The following PPP2R5E variants were observed in gnomAD, a reference collection of about 807,000 sequenced individuals.
PPP2R5E encodes serine/threonine-protein phosphatase 2A 56 kDa regulatory subunit epsilon isoform.
A neutral mutation model predicts 65.3 loss-of-function variants in PPP2R5E; 4 were observed. The observed-to-expected ratio is 0.06, with a 90% CI of 0.03 to 0.14. The LOEUF (loss-of-function observed/expected upper bound fraction) is 0.14, where lower values mean the gene tolerates loss of function less well. Among genes scored for constraint, PPP2R5E ranks in the 10% least tolerant of loss-of-function variants. The pLI is 1.00. For synonymous variants in PPP2R5E, 183 were observed against 187.4 expected, an observed-to-expected ratio of 0.98 and a Z score of 0.19; for missense variants, 274 against 556.1, an observed-to-expected ratio of 0.49 and a Z score of 5.10.
chr14:63,424,684 G>C (rs936306633), intron 3 of PPP2R5E, among the ~76,000 whole-genome samples: 1 of 151,030 alleles, frequency 6.6e-6, no homozygotes, highest in Non-Finnish European at 1.5e-5. Context: ...CCGGGAGGCG[G>C]AGCTTGCAGT....
chr14:63,448,835 T>C (rs1019352541), intron 3 of PPP2R5E, among the ~76,000 whole-genome samples: 1 of 138,624 alleles, frequency 7.2e-6, no homozygotes, highest in African/African-American at 2.8e-5. Flanking sequence ...TGAAGTGCAA[T>C]AAAACGAGGT....
chr14:63,466,523 C>T (rs1335358344), intron 2 of PPP2R5E, among the ~76,000 whole-genome samples: 2 of 152,114 alleles, frequency 1.3e-5, no homozygotes, highest in African/African-American at 2.4e-5. Flanking sequence ...TACACAGTCC[C>T]CTAATTGTGA....
intron 3 of PPP2R5E, chr14:63,452,540 G>A (rs1888902383): frequency 6.6e-6 from 1 of 152,226 alleles, no homozygotes; most frequent in Non-Finnish European, 1.5e-5. Context: ...ACACCTGGTT[G>A]AGAAGCACTG....
chr14:63,379,989 C>T (rs931739555), intron 13 of PPP2R5E, among the ~76,000 whole-genome samples: 8 of 151,678 alleles, frequency 5.3e-5, no homozygotes, highest in Non-Finnish European at 1.2e-4. Context: ...CGCATGCCAC[C>T]GTGCCTGGCT....
At chr14:63,539,453 T>G in intron 2 of PPP2R5E, 76 bp downstream of exon 2, 3 of 1,481,908 alleles carry the variant, frequency 2.0e-6, no homozygotes, top group Non-Finnish European at 2.7e-6. Flanking sequence ...CATATAAAAC[T>G]CTACAAAAAG....
intron 2 of PPP2R5E, among the ~76,000 whole-genome samples, chr14:63,535,492 A>G (rs1308175548): frequency 2.0e-5 from 3 of 152,196 alleles, no homozygotes; most frequent in Non-Finnish European, 4.4e-5. Flanking sequence ...AAGTGAACAG[A>G]CTTTAAAACG....
At chr14:63,376,242 G>A (rs1382993285) in intron 13 of PPP2R5E, 134 bp from the exon 14 acceptor site, 7 of 621,368 alleles carry the variant, frequency 1.1e-5, no homozygotes, top group African/African-American at 7.6e-5. Flanking sequence ...AAATTACTAA[G>A]AAACAAAAAT....
At chr14:63,509,466 G>A (rs1892364228) in intron 2 of PPP2R5E, among the ~76,000 whole-genome samples, 2 of 151,930 alleles carry the variant, frequency 1.3e-5, no homozygotes, top group East Asian at 3.9e-4. Flanking sequence ...TAGAGAAGGG[G>A]TTTTGCCATG....
chr14:63,402,745 TA>T (rs983865220), intron 5 of PPP2R5E, among the ~76,000 whole-genome samples: 10 of 151,948 alleles, frequency 6.6e-5, no homozygotes, highest in Admixed American at 3.3e-4. Flanking sequence ...AAGAAGATTT[TA>T]AAAACCAGAA....
intron 2 of PPP2R5E, among the ~76,000 whole-genome samples, chr14:63,526,652 A>G (rs1157672189): frequency 6.6e-6 from 1 of 152,048 alleles, no homozygotes; most frequent in African/African-American, 2.4e-5. Context: ...GACCTCCCGG[A>G]ATCAGGTGAT....
chr14:63,512,466 G>A (rs945287799), intron 2 of PPP2R5E, among the ~76,000 whole-genome samples: 5 of 152,174 alleles, frequency 3.3e-5, no homozygotes, highest in Admixed American at 3.3e-4. Flanking sequence ...GGCTTAATGT[G>A]ATGATCACCA....
chr14:63,406,875 G>C (rs1886121301), intron 5 of PPP2R5E, among the ~76,000 whole-genome samples: 1 of 152,164 alleles, frequency 6.6e-6, no homozygotes, highest in Non-Finnish European at 1.5e-5. Flanking sequence ...ATGATTTTTA[G>C]AATAAGAGTT....
At chr14:63,403,714 A>T (rs1258354292) in intron 5 of PPP2R5E, among the ~76,000 whole-genome samples, 4 of 152,044 alleles carry the variant, frequency 2.6e-5, no homozygotes, top group Admixed American at 2.6e-4. Context: ...TTACTCTCAG[A>T]GAATTAAAGC....
At chr14:63,393,740 A>G in intron 8 of PPP2R5E, 80 bp downstream of exon 8, 1 of 946,854 alleles carries the variant, frequency 1.1e-6, no homozygotes, top group African/African-American at 1.7e-5. Flanking sequence ...AAACAAAATG[A>G]AGGTTATATC....
chr14:63,470,244 G>A (rs1890047327), intron 2 of PPP2R5E, among the ~76,000 whole-genome samples: 1 of 151,982 alleles, frequency 6.6e-6, no homozygotes, highest in Non-Finnish European at 1.5e-5. Flanking sequence ...GCTAATTTTT[G>A]TAGTTTTTGT....
chr14:63,514,473 A>T lies in PPP2R5E; in HGVS notation c.157+25056T>A, dbSNP rs986185880. Among the ~76,000 whole-genome samples, 6 of 152,250 alleles carry T rather than the reference A, an allele frequency of 3.9e-5. No homozygotes were observed. In the East Asian group the frequency reaches 7.7e-4, roughly 20 times the overall value. On this transcript the variant is annotated intron_variant, in intron 2 of 13. Coordinates refer to ENST00000337537, the MANE Select transcript of PPP2R5E (RefSeq NM_006246.5). ...CTACCTTTAAAACTATGTTTATTATACTACATTACACAAAAACTCTCTTCA... is the reference window on the plus strand; with the variant it reads ...CTACCTTTAAAACTATGTTTATTATTCTACATTACACAAAAACTCTCTTCA...
In PPP2R5E at chr14:63,396,660, G is replaced by C. The variant is rs147780005; in HGVS notation, c.606C>G (p.Val202=). The part of the protein sequence containing the change: ...DPRERDYLKT[V]LHRIYGKFLG... ...GAAACTTGCCATAAATTCTGTGTAA[G>C]ACTGTTTTTAAGTAGTCCCGTTCCC... is the stretch of plus-strand genomic sequence containing the variant. The change falls in exon 6 of 14, where the codon GTC becomes GTG. Residue 202 remains valine (V), a synonymous_variant. Coordinates refer to ENST00000337537, the MANE Select transcript of PPP2R5E (RefSeq NM_006246.5). The C allele has an allele frequency of 3.3e-5, 54 of 1,613,594 alleles. No homozygotes were observed. In the African/African-American group the frequency reaches 6.5e-4, roughly 20 times the overall value.
At chr14:63,433,032 G>GTTTTTTTTT (rs747571866) in intron 3 of PPP2R5E, among the ~76,000 whole-genome samples, 24 of 96,456 alleles carry the variant, frequency 2.5e-4, no homozygotes, top group East Asian at 6.4e-4. Flanking sequence ...GTTTTGTTTT[G>GTTTTTTTTT]TTTTTTTTTT....
At chr14:63,521,023 A>C (rs1299891531) in intron 2 of PPP2R5E, among the ~76,000 whole-genome samples, 1 of 152,060 alleles carries the variant, frequency 6.6e-6, no homozygotes, top group Admixed American at 6.6e-5. Context: ...TGGGCAACAG[A>C]GTGAGACTCT....
Sources: allele counts gnomAD v4.1 joint callset (sites outside exome capture counted in the v4.1 genomes callset), GRCh38; gene constraint gnomAD v4.1.1; transcripts MANE v1.5; gene names NCBI Gene and HGNC (gene_info 2026-07-23, HGNC 2026-07-21).